The following CCNC variants were observed in gnomAD, a reference collection of about 807,000 sequenced individuals.
The protein encoded by CCNC is cyclin C.
Under a neutral mutation model 50.0 loss-of-function variants are expected in CCNC, and 19 were observed. That is an observed-to-expected ratio of 0.38 (90% confidence interval 0.27 to 0.56). The LOEUF is 0.56. Among genes scored for constraint, CCNC ranks in the 20% least tolerant of loss-of-function variants. The pLI is 0.72. For synonymous variants in CCNC, 93 were observed against 103.7 expected (o/e 0.90, Z 0.63); for missense variants, 200 against 327.1 (o/e 0.61, Z 3.00).
At chr6:99,561,232 C>G (rs1038899778) in intron 4 of CCNC, 135 bp downstream of exon 4, 11 of 689,770 alleles carry the variant, frequency 1.6e-5, no homozygotes, top group Middle Eastern at 3.4e-4. Flanking sequence ...GTATATATTT[C>G]TTTGATTTTG....
chr6:99,551,012 A>G lies in CCNC; in HGVS notation c.419T>C (p.Phe140Ser). The G allele has an allele frequency of 9.0e-7, 1 of 1,107,326 alleles. No homozygotes were observed. Among genetic ancestry groups the G allele is most frequent in the Non-Finnish European group, 1.3e-6 (1 of 797,024 alleles). 68.6% of individuals were successfully genotyped at this position (1,107,326 alleles called of 1,614,324 possible). A position where few individuals can be genotyped will look rare whatever the true frequency, so the allele number is the denominator to read the frequency against. The change falls in exon 7 of 12, where the codon TTC becomes TCC. Residue 140 changes from phenylalanine to serine, a missense_variant. Coordinates refer to ENST00000520429, the MANE Select transcript of CCNC (RefSeq NM_005190.4). ...ACTTACCATTAGTTCTAACAGATAG[A>G]ATTCACATTCTAATATCTGTTTAAA... ...YRMNHILECEFYLLELMDCCL... is the reference protein window; with the variant it reads ...YRMNHILECESYLLELMDCCL...
At chr6:99,552,288 AATATAC>A (rs1164030578) in intron 5 of CCNC, among the ~76,000 whole-genome samples, 1 of 152,180 alleles carries the variant, frequency 6.6e-6, no homozygotes, top group Non-Finnish European at 1.5e-5. Context: ...ATTGGTAAAA[AATATAC>A]ATATAAAATA....
At chr6:99,544,123 C>A in intron 11 of CCNC, 1 of 1,450,108 alleles carries the variant, frequency 6.9e-7, no homozygotes, top group Non-Finnish European at 9.1e-7. Context: ...CTGGAAAATG[C>A]TGAATACTTA....
chr6:99,551,227 T>C (rs1199673200), intron 6 of CCNC, among the ~76,000 whole-genome samples, 199 bp from the exon 7 acceptor site: 1 of 152,100 alleles, frequency 6.6e-6, no homozygotes, highest in African/African-American at 2.4e-5. Context: ...AATGCAATTA[T>C]GATTATAAGG....
intron 11 of CCNC, chr6:99,544,340 T>G: frequency 6.8e-7 from 1 of 1,462,182 alleles, no homozygotes; most frequent in Non-Finnish European, 9.2e-7. Flanking sequence ...GAATAAAGTA[T>G]TAACTTTTTC....
chr6:99,544,728 G>A (rs1366696875), intron 11 of CCNC, among the ~76,000 whole-genome samples: 3 of 135,802 alleles, frequency 2.2e-5, no homozygotes, highest in Admixed American at 7.9e-5. Flanking sequence ...TTATAAAACA[G>A]GACAATAGCC....
intron 8 of CCNC, among the ~76,000 whole-genome samples, 184 bp downstream of exon 8, chr6:99,550,034 G>A (rs1009841309): frequency 3.3e-5 from 5 of 152,032 alleles, no homozygotes; most frequent in Non-Finnish European, 5.9e-5. Context: ...GATAATTTAG[G>A]ATTGTTTTCA....
chr6:99,555,206 C>T (rs1336946537), intron 5 of CCNC, among the ~76,000 whole-genome samples: 2 of 152,090 alleles, frequency 1.3e-5, no homozygotes, highest in African/African-American at 2.4e-5. Context: ...TAATCATTTC[C>T]AAAGCTACTT....
At chr6:99,556,026 A>G (rs995895875) in intron 5 of CCNC, among the ~76,000 whole-genome samples, 1 of 152,090 alleles carries the variant, frequency 6.6e-6, no homozygotes, top group African/African-American at 2.4e-5. Context: ...GGCTGCCAAT[A>G]TTCGTTTAAG....
At chr6:99,563,946 T>A (rs1768983689) in intron 1 of CCNC, among the ~76,000 whole-genome samples, 2 of 152,222 alleles carry the variant, frequency 1.3e-5, no homozygotes, top group African/African-American at 4.8e-5. Context: ...ATGATATTCT[T>A]CTTAATGAAT....
At chr6:99,550,373 T>C in intron 7 of CCNC, 64 bp from the exon 8 acceptor site, 2 of 1,086,044 alleles carry the variant, frequency 1.8e-6, no homozygotes, top group Non-Finnish European at 1.4e-6. Flanking sequence ...AAAAATGTTA[T>C]CATTACCCAA....
chr6:99,544,551 C>A (rs1232084630), intron 11 of CCNC, among the ~76,000 whole-genome samples: 1 of 152,058 alleles, frequency 6.6e-6, no homozygotes, highest in African/African-American at 2.4e-5. Context: ...AAAACACACA[C>A]ATACACCCCA....
chr6:99,550,735 G>GTAATCCTT (rs1232845734), intron 7 of CCNC: 1 of 250,674 alleles, frequency 4.0e-6, no homozygotes, highest in Non-Finnish European at 7.6e-6. Context: ...GTCCTGACTT[G>GTAATCCTT]TCTGTTTGTA....
At chr6:99,550,443 A>G (rs1321121916) in intron 7 of CCNC, 134 bp from the exon 8 acceptor site, 1 of 645,478 alleles carries the variant, frequency 1.5e-6, no homozygotes, top group African/African-American at 1.8e-5. Context: ...CTTCCCTTTT[A>G]TTCTCTTAAG....
chr6:99,568,391 G>A (rs1052599693), intron 1 of CCNC, 105 bp downstream of exon 1: 5 of 1,134,654 alleles, frequency 4.4e-6, no homozygotes, highest in East Asian at 2.6e-5. Flanking sequence ...TGAGGACCCC[G>A]GCACTCGGAA....
At chr6:99,564,544 T>C (rs1769034786) in intron 1 of CCNC, among the ~76,000 whole-genome samples, 1 of 152,150 alleles carries the variant, frequency 6.6e-6, no homozygotes, top group Non-Finnish European at 1.5e-5. Context: ...AGGTTAAACA[T>C]CTTTCCATGT....
In CCNC at chr6:99,551,827, A is replaced by G; in HGVS notation, c.402+13T>C. 2 of 1,376,752 alleles carry G rather than the reference A, an allele frequency of 1.5e-6. No homozygotes were observed. Among genetic ancestry groups the G allele is most frequent in the Non-Finnish European group, 2.0e-6 (2 of 1,024,100 alleles). The allele number at this position is 1,376,752 out of a possible 1,614,324, so 85.3% of individuals were successfully genotyped here. On this transcript the variant is annotated intron_variant, in intron 6 of 11. Transcript: ENST00000520429. Reference sequence around the variant, plus strand: ...AGCTTTGATAATTGTTCCATTTTATATCATATACTTACATGATTCATCCTA... The same window carrying G: ...AGCTTTGATAATTGTTCCATTTTATGTCATATACTTACATGATTCATCCTA...
Position 99,557,284 on chromosome 6 carries a change from A to C in CCNC, c.346+1213T>G, listed in dbSNP as rs562231030. 15 of 152,018 alleles carry C rather than the reference A, an allele frequency of 9.9e-5. No individual in the cohort carries two copies. In the East Asian group the frequency reaches 2.9e-3, roughly 29 times the overall value. The allele number at this position is 152,018 out of a possible 1,614,324, so 9.4% of individuals were successfully genotyped here. A position where few individuals can be genotyped will look rare whatever the true frequency, so the allele number is the denominator to read the frequency against. On this transcript the variant is annotated intron_variant, in intron 5 of 11. Coordinates refer to ENST00000520429, the MANE Select transcript of CCNC (RefSeq NM_005190.4). The stretch of plus-strand genomic sequence containing the variant: ...TTCTGTCTTCTTTTTTTGTCCTTAA[A>C]TTCCTTGTATTTTACCTTGGTACCA...
Position 99,562,897 on chromosome 6 carries a change from A to G in CCNC, c.84T>C (p.Asp28=). 1 of 1,606,748 alleles carries G rather than the reference A, an allele frequency of 6.2e-7. No individual in the cohort carries two copies. The highest frequency in any genetic ancestry group is 1.3e-5 in the African/African-American group (1 of 74,728). The part of the protein sequence containing the change: ...KQDLLKERQK[D]LKFLSEEEYW... Reference sequence around the variant, plus strand: ...ATTCTTCCTCTGAGAGAAACTTTAAATCCTTTTGGCGCTCCTTCAACAGAT... The same window carrying G: ...ATTCTTCCTCTGAGAGAAACTTTAAGTCCTTTTGGCGCTCCTTCAACAGAT... The change falls in exon 2 of 12, where the codon GAT becomes GAC. Residue 28 remains aspartate (D), a synonymous_variant. Coordinates refer to ENST00000520429, the MANE Select transcript of CCNC (RefSeq NM_005190.4).
Sources: allele counts gnomAD v4.1 joint callset (sites outside exome capture counted in the v4.1 genomes callset), GRCh38; gene constraint gnomAD v4.1.1; transcripts MANE v1.5; gene names NCBI Gene and HGNC (gene_info 2026-07-23, HGNC 2026-07-21).